LGR5: variants seen among roughly 807,000 people sequenced by gnomAD.
LGR5 encodes leucine-rich repeat-containing G protein-coupled receptor 5.
A neutral mutation model predicts 76.7 loss-of-function variants in LGR5; 54 were observed. The ratio of observed to expected loss-of-function variants is 0.70; its 90% CI spans 0.57 to 0.88. The LOEUF is 0.88. Ranked by LOEUF, LGR5 falls within the 40% of genes least tolerant of loss-of-function variation. The pLI, the probability that LGR5 is intolerant of heterozygous loss-of-function variation, is 0.00. For missense variants in LGR5, 1,078 were observed against 1,073.3 expected, an observed-to-expected ratio of 1.00 and a Z score of -0.06; for synonymous variants, 406 against 421.9, an observed-to-expected ratio of 0.96 and a Z score of 0.46.
Position 71,465,852 on chromosome 12 carries a change from G to T in LGR5, c.212+25560G>T, listed in dbSNP as rs543841598. 3.3e-5 allele frequency among the ~76,000 whole-genome samples: 5 copies of T among 152,284 alleles called. No individual in the cohort carries two copies. The East Asian group carries it at 9.6e-4, about 29-fold the overall frequency. ...CAAATGGCCACTTCCTAACCACTCA[G>T]AAAAGTCTAAATAAAACTAATTCAG... On this transcript the variant is annotated intron_variant, in intron 1 of 17. Transcript: ENST00000266674.
chr12:71,575,599 TACTCGG>T (rs566965882), intron 13 of LGR5, among the ~76,000 whole-genome samples: 50 of 152,214 alleles, frequency 3.3e-4, no homozygotes, highest in African/African-American at 1.2e-3. Context: ...TAATCCCAGC[TACTCGG>T]GAGGCTGAGG....
At chr12:71,526,507 A>G (rs1211908598) in intron 3 of LGR5, among the ~76,000 whole-genome samples, 2 of 152,306 alleles carry the variant, frequency 1.3e-5, no homozygotes, top group Admixed American at 6.5e-5. Flanking sequence ...TGTCTCCTGT[A>G]CAGTCAAGGG....
chr12:71,459,362 C>G (rs531109429), intron 1 of LGR5, among the ~76,000 whole-genome samples: 1 of 152,216 alleles, frequency 6.6e-6, no homozygotes, highest in South Asian at 2.1e-4. Flanking sequence ...AGGTAGCAAT[C>G]ATGGCATATG....
rs539788330 is a variant in LGR5, at chr12:71,494,241, C to T, written c.213-10373C>T. Among the ~76,000 whole-genome samples the T allele has an allele frequency of 1.4e-4, 21 of 150,786 alleles. 1 individual carries two copies. The highest frequency in any genetic ancestry group is 3.7e-4 in the African/African-American group (15 of 40,338). ...GATTACAGGCGTGAGCCACTGCGCC[C>T]GGCCTTGATTTTTTTTTGTAGAGAC... On this transcript the variant is annotated intron_variant, in intron 1 of 17. Transcript: ENST00000266674.
At chr12:71,575,592 T>C (rs958737307) in intron 13 of LGR5, among the ~76,000 whole-genome samples, 3 of 152,074 alleles carry the variant, frequency 2.0e-5, no homozygotes, top group Non-Finnish European at 4.4e-5. Context: ...GCACCTGTAA[T>C]CCCAGCTACT....
intron 1 of LGR5, among the ~76,000 whole-genome samples, chr12:71,486,664 G>A (rs773538064): frequency 2.4e-4 from 36 of 152,176 alleles, no homozygotes; most frequent in Non-Finnish European, 4.4e-4. Context: ...GTGTTGAGCA[G>A]CTAAAAATAT....
intron 4 of LGR5, among the ~76,000 whole-genome samples, chr12:71,539,134 C>T (rs1172641280): frequency 6.6e-6 from 1 of 152,060 alleles, no homozygotes; most frequent in Admixed American, 6.5e-5. Context: ...CTCTGTCTTA[C>T]TTAAAAAAAT....
intron 1 of LGR5, among the ~76,000 whole-genome samples, chr12:71,460,873 T>G (rs1487672301): frequency 6.6e-6 from 1 of 152,102 alleles, no homozygotes; most frequent in African/African-American, 2.4e-5. Flanking sequence ...ACCCTTCCCC[T>G]GCAAAATAAG....
intron 1 of LGR5, among the ~76,000 whole-genome samples, chr12:71,484,679 T>C (rs1873752751): frequency 6.6e-6 from 1 of 152,224 alleles, no homozygotes; most frequent in Non-Finnish European, 1.5e-5. Flanking sequence ...TTTTGTTGTG[T>C]TGACTGCTTG....
intron 1 of LGR5, among the ~76,000 whole-genome samples, chr12:71,467,687 A>G (rs1872921113): frequency 6.6e-6 from 1 of 152,206 alleles, no homozygotes; most frequent in Admixed American, 6.5e-5. Flanking sequence ...TCAGTGGACA[A>G]ACAATGCCGA....
intron 4 of LGR5, among the ~76,000 whole-genome samples, chr12:71,537,183 CAAAAAAAA>C (rs35199889): frequency 1.7e-4 from 19 of 111,130 alleles, no homozygotes; most frequent in Non-Finnish European, 2.8e-4. Context: ...TAAGAGTTGT[CAAAAAAAA>C]AAAAAAAAGC....
chr12:71,449,506 T>C (rs1300916079), intron 1 of LGR5, among the ~76,000 whole-genome samples: 1 of 152,158 alleles, frequency 6.6e-6, no homozygotes, highest in Non-Finnish European at 1.5e-5. Flanking sequence ...TTGAAGATCT[T>C]AAAAGGTCTA....
intron 2 of LGR5, among the ~76,000 whole-genome samples, chr12:71,517,101 G>A (rs56065845): frequency 0.043 from 6,482 of 152,060 alleles, 151 homozygotes; most frequent in South Asian, 0.068. Context: ...TCACAACAAA[G>A]GTGTGTGTGT....
chr12:71,558,192 A>G (rs1877871822), intron 6 of LGR5, among the ~76,000 whole-genome samples: 1 of 152,234 alleles, frequency 6.6e-6, no homozygotes, highest in South Asian at 2.1e-4. Context: ...TCTTATCTAC[A>G]AAACGCTGGG....
intron 1 of LGR5, among the ~76,000 whole-genome samples, chr12:71,495,089 T>G (rs922854789): frequency 5.3e-5 from 8 of 150,356 alleles, no homozygotes; most frequent in Non-Finnish European, 7.4e-5. Context: ...GGGGGGGGTC[T>G]CCTTTGAATC....
intron 4 of LGR5, among the ~76,000 whole-genome samples, chr12:71,546,266 G>C (rs916820234): frequency 2.6e-4 from 40 of 151,892 alleles, no homozygotes; most frequent in Non-Finnish European, 4.6e-4. Context: ...AGTGAGCCAA[G>C]ATTGGACCAC....
Position 71,559,635 on chromosome 12 carries a change from C to T in LGR5, c.766C>T (p.Leu256Phe), listed in dbSNP as rs1309306325. Reference sequence around the variant, plus strand: ...TGAATTCCCCACTGCAATTAGGACACTCTCCAACCTTAAAGAACTGTAAGT... The same window carrying T: ...TGAATTCCCCACTGCAATTAGGACATTCTCCAACCTTAAAGAACTGTAAGT... ...LDEFPTAIRT[L>F]SNLKELGFHS... Residue 256 changes from leucine to phenylalanine, a missense_variant, in exon 7 of 18, where the codon CTC becomes TTC. Transcript: ENST00000266674. 31 of 1,557,462 alleles carry T rather than the reference C, an allele frequency of 2.0e-5. No individual in the cohort carries two copies. Among genetic ancestry groups the T allele is most frequent in the Non-Finnish European group, 2.7e-5 (30 of 1,129,300 alleles).
chr12:71,445,930 T>G (rs1871968593), intron 1 of LGR5, among the ~76,000 whole-genome samples: 2 of 152,174 alleles, frequency 1.3e-5, no homozygotes, highest in South Asian at 2.1e-4. Flanking sequence ...AGGAACCAAC[T>G]CCTGACCGTG....
intron 1 of LGR5, among the ~76,000 whole-genome samples, chr12:71,498,624 A>G (rs913041246): frequency 3.3e-5 from 5 of 152,208 alleles, no homozygotes; most frequent in Non-Finnish European, 7.3e-5. Context: ...TTCATGACCT[A>G]ATTACCTCCC....
Sources: allele counts gnomAD v4.1 joint callset (sites outside exome capture counted in the v4.1 genomes callset), GRCh38; gene constraint gnomAD v4.1.1; transcripts MANE v1.5; gene names NCBI Gene and HGNC (gene_info 2026-07-23, HGNC 2026-07-21).